Variants in RIPOR1 observed in about 807,000 individuals in gnomAD.
RIPOR1 encodes the protein rho family-interacting cell polarization regulator 1.
Under a neutral mutation model 116.5 loss-of-function variants are expected in RIPOR1, and 58 were observed. The ratio of observed to expected loss-of-function variants is 0.50; its 90% CI spans 0.40 to 0.62. The LOEUF is 0.62. Among genes scored for constraint, RIPOR1 ranks in the 20% least tolerant of loss-of-function variants. RIPOR1 has a pLI of 0.00. For synonymous variants in RIPOR1, 605 were observed against 650.0 expected (o/e 0.93, Z 1.05); for missense variants, 1,372 against 1,586.2 (o/e 0.86, Z 2.29).
rs1466688641 is a variant in RIPOR1 at position 67,541,412 on chromosome 16, A to G, written c.802-18A>G. The G allele has an allele frequency of 8.7e-6, 14 of 1,611,414 alleles. No individual in the cohort carries two copies. The highest frequency in any genetic ancestry group is 1.1e-5 in the Non-Finnish European group (13 of 1,178,554). Reference sequence around the variant, plus strand: ...GCCCCTGCACCCTTGTGACCCTACCATGCACTCTTGGCTACAGGTGACAGA... The same window carrying G: ...GCCCCTGCACCCTTGTGACCCTACCGTGCACTCTTGGCTACAGGTGACAGA... On this transcript the variant is annotated intron_variant, in intron 10 of 21. Coordinates refer to ENST00000042381, the MANE Select transcript of RIPOR1 (RefSeq NM_024519.4). This position sits in a 1 kb window ranked among gnomAD's most constrained non-coding sequence, Gnocchi z 4.6.
rs1430704471 is a variant in RIPOR1, at chr16:67,537,745, G to A, written c.-23-679G>A. 4.2e-6 allele frequency: 2 copies of A among 474,476 alleles called. No homozygotes were observed. The highest frequency in any genetic ancestry group is 6.9e-6 in the Non-Finnish European group (2 of 288,754). 29.4% of individuals were successfully genotyped at this position (474,476 alleles called of 1,614,324 possible). A position where few individuals can be genotyped will look rare whatever the true frequency, so the allele number is the denominator to read the frequency against. ...CGCCGATGCCGGGGTGGAGGCGCACGTCCGTGACTCAGTTTCCAGGTGGGA... is the reference window on the plus strand; with the variant it reads ...CGCCGATGCCGGGGTGGAGGCGCACATCCGTGACTCAGTTTCCAGGTGGGA... On this transcript the variant is annotated intron_variant, in intron 1 of 21. Transcript: ENST00000042381. This position sits in a 1 kb window ranked among gnomAD's most constrained non-coding sequence, Gnocchi z 4.6.
chr16:67,521,174 G>T (rs1196271910), intron 1 of RIPOR1, among the ~76,000 whole-genome samples: 1 of 152,164 alleles, frequency 6.6e-6, no homozygotes, highest in African/African-American at 2.4e-5. Context: ...TTGAATCCAG[G>T]ACTGGCCGCC....
intron 1 of RIPOR1, among the ~76,000 whole-genome samples, chr16:67,534,573 T>C (rs1376368070): frequency 6.6e-6 from 1 of 152,176 alleles, no homozygotes; most frequent in Non-Finnish European, 1.5e-5. Context: ...AATAGGACAT[T>C]ACCAGCACCC....
Position 67,539,033 on chromosome 16 carries a change from G to A in RIPOR1, c.301G>A (p.Gly101Arg), listed in dbSNP as rs959284564. ...CCAGCAGGAGCAAGAGAAACTCCAG[G>A]GGCAGATAAGGGAGTCCAAGAGGAA... ...VHQQEQEKLQ[G>R]QIRESKRNSR... is the part of the protein sequence containing the mutation. The change falls in exon 4 of 22, where the codon GGG (glycine) becomes AGG (arginine). Residue 101 changes from glycine to arginine, a missense_variant. By Grantham distance (125) the Gly-to-Arg change is moderately radical (BLOSUM62 -2). Around this residue, in one of 3 missense-constraint regions of RIPOR1, gnomAD observed 165 missense variants for 145.5 expected, o/e 1.13. Coordinates refer to ENST00000042381, the MANE Select transcript of RIPOR1 (RefSeq NM_024519.4). 1.1e-5 allele frequency: 18 copies of A among 1,613,340 alleles called. No homozygotes were observed. Among genetic ancestry groups the A allele is most frequent in the Non-Finnish European group, 1.5e-5 (18 of 1,179,810 alleles).
Position 67,544,575 on chromosome 16 carries a change from GAGTATCTCCCA to G in RIPOR1, c.2734-118_2734-108del. The stretch of plus-strand genomic sequence containing the variant: ...CTTGGCATCTGGCCCTTGCTGAATG[GAGTATCTCCCA>G]ACTCTGCAACCCCAACCTCCCCCAG... On this transcript the variant is annotated intron_variant, in intron 15 of 21. Coordinates refer to ENST00000042381, the MANE Select transcript of RIPOR1 (RefSeq NM_024519.4). The surrounding 1 kb of genome is among the most constrained non-coding windows in gnomAD (Gnocchi z 5.1). 6.5e-7 allele frequency: 1 copy of G among 1,545,090 alleles called. No individual in the cohort carries two copies. Among genetic ancestry groups the G allele is most frequent in the South Asian group, 1.1e-5 (1 of 87,256 alleles).
upstream of RIPOR1, among the ~76,000 whole-genome samples, chr16:67,526,203 G>A (rs1309766239): frequency 6.6e-6 from 1 of 152,192 alleles, no homozygotes; most frequent in Non-Finnish European, 1.5e-5. Context: ...AGGGACATCT[G>A]AGCTGTTTTC....
rs1367240948 is a variant in RIPOR1, at chr16:67,537,883, G to A, written c.-23-541G>A. On this transcript the variant is annotated intron_variant, in intron 1 of 21. Transcript: ENST00000042381. The surrounding 1 kb of genome is among the most constrained non-coding windows in gnomAD (Gnocchi z 4.6). ...GGGCCGGTGGGGGCTGGGGGCAGCA[G>A]GTCACGCTGGCAGGCGGGGGGCGGG... Among the ~76,000 whole-genome samples the A allele has an allele frequency of 6.6e-6, 1 of 152,026 alleles. No homozygotes were observed. The highest frequency in any genetic ancestry group is 1.5e-5 in the Non-Finnish European group (1 of 67,940).
upstream of RIPOR1, among the ~76,000 whole-genome samples, chr16:67,527,673 G>C (rs1448067418): frequency 1.3e-4 from 20 of 152,014 alleles, no homozygotes; most frequent in Admixed American, 1.3e-3. Flanking sequence ...TCAGGAGATC[G>C]AGACCATCCT....
At chr16:67,524,686 C>T (rs969311136), upstream of RIPOR1, among the ~76,000 whole-genome samples, 11 of 152,212 alleles carry the variant, frequency 7.2e-5, no homozygotes, top group African/African-American at 2.7e-4. Context: ...AGGCCCAAAG[C>T]CCCTGCCTCA....
rs146187104 is a variant in RIPOR1, at chr16:67,541,518, T to C, written c.890T>C (p.Val297Ala). The change falls in exon 11 of 22, where the codon GTT (valine) becomes GCT (alanine). Residue 297 changes from valine (V) to alanine (A), a missense_variant. Around this residue, in one of 3 missense-constraint regions of RIPOR1, gnomAD observed 202 missense variants for 295.9 expected, o/e 0.68. Coordinates refer to ENST00000042381, the MANE Select transcript of RIPOR1 (RefSeq NM_024519.4). The surrounding 1 kb of genome is among the most constrained non-coding windows in gnomAD (Gnocchi z 4.6). ...GACCTGTTTGCCGCCCTGCCCCAGG[T>C]TGTGGCTGTGGATATCAATGACCTT... ...TKDLFAALPQVVAVDINDLGT... is the reference protein window; with the variant it reads ...TKDLFAALPQAVAVDINDLGT... The C allele has an allele frequency of 4.3e-6, 7 of 1,614,084 alleles. No individual in the cohort carries two copies. Among genetic ancestry groups the C allele is most frequent in the Admixed American group, 1.7e-5 (1 of 60,000 alleles).
rs141673634 is a variant in RIPOR1 at position 67,542,897 on chromosome 16, T to C, written c.2111T>C (p.Leu704Pro). 2.7e-5 allele frequency: 44 copies of C among 1,609,966 alleles called. No individual in the cohort carries two copies. In the African/African-American group the frequency reaches 3.3e-4, roughly 12 times the overall value. Reference protein sequence around the residue: ...SDPTLPGTDSLPCSPPVSNSY... With the variant: ...SDPTLPGTDSPPCSPPVSNSY... ...CCCACCCTCCCAGGCACTGACTCCC[T>C]TCCCTGTAGTCCCCCAGTCTCCAAT... Residue 704 changes from leucine to proline, a missense_variant, in exon 13 of 22, where the codon CTT becomes CCT. Physicochemically the swap from Leu to Pro is moderately conservative, Grantham distance 98. Transcript: ENST00000042381. This position sits in a 1 kb window ranked among gnomAD's most constrained non-coding sequence, Gnocchi z 4.6.
upstream of RIPOR1, among the ~76,000 whole-genome samples, chr16:67,527,704 A>G (rs545029482): frequency 9.2e-5 from 14 of 152,194 alleles, no homozygotes; most frequent in East Asian, 7.7e-4. Flanking sequence ...GTGAAACCCC[A>G]TCTCTACCAA....
At position 67,538,791 on chromosome 16, in the gene RIPOR1, A is replaced by G. The variant is rs906784354; in HGVS notation, c.224A>G (p.Asp75Gly). 6.2e-7 allele frequency: 1 copy of G among 1,613,384 alleles called. No individual in the cohort carries two copies. The highest frequency in any genetic ancestry group is 1.1e-5 in the South Asian group (1 of 91,074). The change falls in exon 3 of 22, where the codon GAC becomes GGC. Residue 75 changes from aspartate (D) to glycine (G), a missense_variant. Physicochemically the swap from Asp to Gly is moderately conservative, Grantham distance 94. This residue lies in a region of RIPOR1 where 165 missense variants were observed against 145.5 expected (regional missense o/e 1.13). Coordinates refer to ENST00000042381, the MANE Select transcript of RIPOR1 (RefSeq NM_024519.4). ...AAGGTGCCGCAGCCCGAGCGGCTGG[A>G]CCTGGTGTACACGGCGCTGAAGCGG... ...AAKVPQPERL[D>G]LVYTALKRGL...
At position 67,543,800 on chromosome 16, in the gene RIPOR1, G is replaced by C; in HGVS notation, c.2600+331G>C. On this transcript the variant is annotated intron_variant, in intron 14 of 21. Coordinates refer to ENST00000042381, the MANE Select transcript of RIPOR1 (RefSeq NM_024519.4). This position sits in a 1 kb window ranked among gnomAD's most constrained non-coding sequence, Gnocchi z 4.7. ...TTCCCCTTGGCCTCACCTTGGACCT[G>C]CCCTTTAAGGAGCTCTCTCAGTGTC... 1 of 424,994 alleles carries C rather than the reference G, an allele frequency of 2.4e-6. No homozygotes were observed. Among genetic ancestry groups the C allele is most frequent in the Non-Finnish European group, 4.4e-6 (1 of 228,930 alleles). 26.3% of individuals were successfully genotyped at this position (424,994 alleles called of 1,614,324 possible).
In RIPOR1 at chr16:67,540,330, G is replaced by T. The variant is rs201192844; in HGVS notation, c.598G>T (p.Ala200Ser). The part of the protein sequence containing the change: ...SMCLLESELE[A>S]QLGEFHLRMK... ...GTGTCTGCTGGAGAGCGAGCTGGAG[G>T]CACAGCTGGGCGAGTTTCATCTCCG... is the stretch of plus-strand genomic sequence containing the variant. The change falls in exon 8 of 22, where the codon GCA (alanine) becomes TCA (serine). Residue 200 changes from alanine to serine, a missense_variant. Ala to Ser is a moderately conservative substitution (Grantham distance 99). Coordinates refer to ENST00000042381, the MANE Select transcript of RIPOR1 (RefSeq NM_024519.4). The surrounding 1 kb of genome is among the most constrained non-coding windows in gnomAD (Gnocchi z 4.7). The T allele has an allele frequency of 5.2e-5, 84 of 1,614,194 alleles. No homozygotes were observed. In the East Asian group the frequency reaches 1.8e-3, roughly 34 times the overall value.
At chr16:67,538,614 G>C in intron 2 of RIPOR1, 58 bp from the exon 3 acceptor site, 1 of 1,606,710 alleles carries the variant, frequency 6.2e-7, no homozygotes. Flanking sequence ...CTGGGGGTGC[G>C]TAGTGAGAGT....
upstream of RIPOR1, among the ~76,000 whole-genome samples, chr16:67,527,871 A>AC (rs1346916364): frequency 6.6e-5 from 10 of 150,686 alleles, no homozygotes; most frequent in African/African-American, 2.2e-4. Flanking sequence ...AAAAAAAAAA[A>AC]CCCGACCAAA....
chr16:67,545,520 A>G lies in RIPOR1; in HGVS notation c.3176A>G (p.Glu1059Gly). 1 of 1,614,064 alleles carries G rather than the reference A, an allele frequency of 6.2e-7. No homozygotes were observed. The highest frequency in any genetic ancestry group is 8.5e-7 in the Non-Finnish European group (1 of 1,180,026). ...DSPTMEAYVT[E>G]TAEEVLLVRN... ...CCCACCATGGAGGCCTACGTGACTG[A>G]GACCGCTGAGGAGGGTGAGGCGGTG... is the stretch of plus-strand genomic sequence containing the variant. Residue 1059 changes from glutamate (E) to glycine (G), a missense_variant, in exon 18 of 22, where the codon GAG (glutamate) becomes GGG (glycine). By Grantham distance (98) the Glu-to-Gly change is moderately conservative (BLOSUM62 -2). Around this residue, in one of 3 missense-constraint regions of RIPOR1, gnomAD observed 1,005 missense variants for 1,144.7 expected, o/e 0.88. Transcript: ENST00000042381. The surrounding 1 kb of genome is among the most constrained non-coding windows in gnomAD (Gnocchi z 4.8).
intron 1 of RIPOR1, among the ~76,000 whole-genome samples, chr16:67,534,534 A>C (rs1292386589): frequency 2.6e-5 from 4 of 152,240 alleles, no homozygotes; most frequent in Non-Finnish European, 5.9e-5. Context: ...ACACTCATAT[A>C]GAATCAGGAA....
Sources: allele counts gnomAD v4.1 joint callset (sites outside exome capture counted in the v4.1 genomes callset), GRCh38; gene constraint gnomAD v4.1.1; regional missense constraint gnomAD v4.1.1; non-coding constraint Gnocchi (gnomAD v3.1); transcripts MANE v1.5; gene names NCBI Gene and HGNC (gene_info 2026-07-23, HGNC 2026-07-21).